SH3KBP1: variants seen among roughly 807,000 people sequenced by gnomAD.
SH3KBP1 encodes SH3 domain-containing kinase-binding protein 1.
Under a neutral mutation model 50.1 loss-of-function variants are expected in SH3KBP1, and 8 were observed. That is an observed-to-expected ratio of 0.16 (90% confidence interval 0.09 to 0.29). SH3KBP1 has a LOEUF of 0.29. Among genes scored for constraint, SH3KBP1 ranks in the 10% least tolerant of loss-of-function variants. SH3KBP1 has a pLI of 1.00. For synonymous variants in SH3KBP1, 227 were observed against 218.6 expected (o/e 1.04, Z -0.34); for missense variants, 377 against 535.2 (o/e 0.70, Z 2.92).
At chrX:19,588,423 C>T (rs1310059544) in intron 12 of SH3KBP1, 1 of 1,141,954 alleles carries the variant, frequency 8.8e-7, no homozygotes. Flanking sequence ...ATGAAACCCA[C>T]ACCGCACCCC....
rs184336028 is a variant in SH3KBP1 at position 19,669,907 on chromosome X, A to G, written c.726+13916T>C. Reference sequence around the variant, plus strand: ...GCCACGCTATTTTTTTTTTTTTGTAATTTTGAAAATAGTATAAGTTAAAGC... The same window carrying G: ...GCCACGCTATTTTTTTTTTTTTGTAGTTTTGAAAATAGTATAAGTTAAAGC... On this transcript the variant is annotated intron_variant, in intron 6 of 17. Coordinates refer to ENST00000397821, the MANE Select transcript of SH3KBP1 (RefSeq NM_031892.3). Among the ~76,000 whole-genome samples the G allele has an allele frequency of 2.6e-3, 285 of 108,786 alleles. 1 individual carries two copies. Among genetic ancestry groups the G allele is most frequent in the Non-Finnish European group, 2.9e-3 (154 of 52,446 alleles). 94.5% of individuals were successfully genotyped at this position (108,786 alleles called of 115,157 possible).
chrX:19,560,242 A>G (rs2065630438), intron 13 of SH3KBP1, among the ~76,000 whole-genome samples: 2 of 111,140 alleles, frequency 1.8e-5, no homozygotes, highest in Non-Finnish European at 3.8e-5. Flanking sequence ...CCTAGATTAG[A>G]TCTTATAAAG....
At chrX:19,638,901 C>T (rs1366323293) in intron 7 of SH3KBP1, among the ~76,000 whole-genome samples, 1 of 112,026 alleles carries the variant, frequency 8.9e-6, no homozygotes, top group African/African-American at 3.3e-5. Flanking sequence ...GGGCTTACTA[C>T]AGTCTATACC....
chrX:19,600,254 C>T (rs2067045213), intron 9 of SH3KBP1, among the ~76,000 whole-genome samples: 1 of 108,612 alleles, frequency 9.2e-6, no homozygotes, highest in African/African-American at 3.4e-5. Context: ...CGTGGTGGCG[C>T]ATGCCTGTGG....
chrX:19,724,768 A>G (rs1259997002), intron 3 of SH3KBP1, among the ~76,000 whole-genome samples: 3 of 112,597 alleles, frequency 2.7e-5, no homozygotes, highest in Non-Finnish European at 5.6e-5. Context: ...AACAAGAGAC[A>G]TGGCTAAGGT....
intron 13 of SH3KBP1, among the ~76,000 whole-genome samples, chrX:19,565,616 G>C (rs2065822030): frequency 9.0e-6 from 1 of 111,322 alleles, no homozygotes. Context: ...AGATGAAGGG[G>C]GAGGGTTTGT....
At chrX:19,768,403 G>T (rs752951897) in intron 2 of SH3KBP1, among the ~76,000 whole-genome samples, 1 of 103,111 alleles carries the variant, frequency 9.7e-6, no homozygotes, top group South Asian at 4.7e-4. Flanking sequence ...CCTTATAAAT[G>T]AGAGATTTGA....
chrX:19,563,533 G>A (rs2065745888), intron 13 of SH3KBP1, among the ~76,000 whole-genome samples: 1 of 112,406 alleles, frequency 8.9e-6, no homozygotes, highest in Non-Finnish European at 1.9e-5. Flanking sequence ...AGCGCAACCT[G>A]TTTCACTTCC....
intron 2 of SH3KBP1, among the ~76,000 whole-genome samples, chrX:19,754,238 A>G (rs187526962): frequency 8.9e-6 from 1 of 112,101 alleles, no homozygotes; most frequent in African/African-American, 3.2e-5. Flanking sequence ...ACAACAAGTA[A>G]CAGATACTGG....
chrX:19,697,105 G>A (rs1429269906), intron 4 of SH3KBP1, among the ~76,000 whole-genome samples: 1 of 111,696 alleles, frequency 9.0e-6, no homozygotes, highest in Non-Finnish European at 1.9e-5. Context: ...TGGAAGTGTT[G>A]TCAACACATT....
intron 1 of SH3KBP1, among the ~76,000 whole-genome samples, chrX:19,878,050 A>G (rs1488408786): frequency 8.9e-6 from 1 of 112,012 alleles, no homozygotes; most frequent in African/African-American, 3.2e-5. Context: ...AGCACAGTTG[A>G]CCACAGAGTT....
At chrX:19,868,906 A>T (rs1225175828) in intron 1 of SH3KBP1, among the ~76,000 whole-genome samples, 1 of 109,924 alleles carries the variant, frequency 9.1e-6, no homozygotes, top group Non-Finnish European at 1.9e-5. Context: ...TGAATATGCC[A>T]CCTAAAGTGG....
intron 7 of SH3KBP1, among the ~76,000 whole-genome samples, chrX:19,632,975 C>A (rs754951990): frequency 3.7e-4 from 41 of 112,155 alleles, no homozygotes; most frequent in Non-Finnish European, 6.8e-4. Flanking sequence ...CGGATCACAA[C>A]CTAGAGCTAT....
intron 11 of SH3KBP1, among the ~76,000 whole-genome samples, chrX:19,590,414 G>A (rs1026860484): frequency 4.5e-5 from 5 of 111,447 alleles, no homozygotes; most frequent in African/African-American, 9.8e-5. Context: ...GGGATTCTAC[G>A]TCCCTCACCC....
At chrX:19,734,608 A>T (rs2148778378) in intron 3 of SH3KBP1, among the ~76,000 whole-genome samples, 1 of 112,164 alleles carries the variant, frequency 8.9e-6, no homozygotes, top group African/African-American at 3.2e-5. Context: ...GCAGGATTGT[A>T]CAGCCATGAC....
chrX:19,788,664 C>T (rs1478767356), intron 2 of SH3KBP1, among the ~76,000 whole-genome samples: 5 of 111,717 alleles, frequency 4.5e-5, no homozygotes, highest in African/African-American at 9.8e-5. Flanking sequence ...AATCCTTGTC[C>T]TAAATACAAT....
intron 2 of SH3KBP1, among the ~76,000 whole-genome samples, chrX:19,811,191 G>A (rs2067196077): frequency 9.0e-6 from 1 of 110,830 alleles, no homozygotes; most frequent in African/African-American, 3.3e-5. Context: ...AATTGTGGAA[G>A]CAAGAAAAAA....
intron 3 of SH3KBP1, among the ~76,000 whole-genome samples, chrX:19,745,096 G>C (rs1008316150): frequency 2.0e-4 from 23 of 112,451 alleles, no homozygotes; most frequent in African/African-American, 7.1e-4. Flanking sequence ...TCCAATGAAT[G>C]CAGGTCTCAG....
intron 13 of SH3KBP1, among the ~76,000 whole-genome samples, chrX:19,554,075 T>A (rs369920232): frequency 0.035 from 1,965 of 56,400 alleles, 126 homozygotes; most frequent in Non-Finnish European, 0.048. Context: ...TTAAAATACA[T>A]TATATATATT....
Sources: gnomAD v4.1 joint callset for allele counts (sites outside exome capture counted in the v4.1 genomes callset) on GRCh38, gnomAD v4.1.1 for gene constraint, MANE v1.5 for transcripts, NCBI Gene and HGNC (gene_info 2026-07-23, HGNC 2026-07-21) for gene names.